THSD4: variants seen among roughly 807,000 people sequenced by gnomAD.
THSD4 encodes thrombospondin type 1 domain containing 4, also known as thrombospondin type-1 domain-containing protein 4.
Under a neutral mutation model 119.0 loss-of-function variants are expected in THSD4, and 69 were observed. That is an observed-to-expected ratio of 0.58 (90% CI 0.48 to 0.71). The LOEUF (loss-of-function observed/expected upper bound fraction) is 0.71. Ranked by LOEUF, THSD4 falls within the 30% of genes least tolerant of loss-of-function variation. THSD4 has a pLI of 0.00. For synonymous variants in THSD4, 524 were observed against 540.4 expected (o/e 0.97, Z 0.42); for missense variants, 1,393 against 1,391.1 (o/e 1.00, Z -0.02).
chr15:71,666,925 T>TG (rs2051428499), intron 8 of THSD4, among the ~76,000 whole-genome samples: 1 of 152,208 alleles, frequency 6.6e-6, no homozygotes, highest in South Asian at 2.1e-4. Context: ...GAGTGGCCTA[T>TG]GTAGAGCTGG....
intron 1 of THSD4, among the ~76,000 whole-genome samples, chr15:71,130,527 C>T (rs540888438): frequency 6.6e-4 from 100 of 152,046 alleles, no homozygotes; most frequent in African/African-American, 2.4e-3. Context: ...AGCCATGACT[C>T]CAACAATTAG....
chr15:71,762,805 A>G (rs2141204533), intron 15 of THSD4, among the ~76,000 whole-genome samples: 1 of 152,322 alleles, frequency 6.6e-6, no homozygotes, highest in Non-Finnish European at 1.5e-5. Context: ...ACAGTGGCTC[A>G]CGCCTATAAT....
intron 6 of THSD4, chr15:71,348,189 G>A (rs971342722): frequency 3.3e-5 from 5 of 151,984 alleles, no homozygotes; most frequent in East Asian, 1.9e-4. Context: ...TTGTCTTTTC[G>A]GCTCCTCAAT....
intron 7 of THSD4, among the ~76,000 whole-genome samples, chr15:71,509,349 G>C (rs115281449): frequency 1.3e-5 from 2 of 152,164 alleles, no homozygotes; most frequent in African/African-American, 4.8e-5. Flanking sequence ...AAGGGGAACC[G>C]ACTGCAAACA....
intron 12 of THSD4, 60 bp from the exon 13 acceptor site, chr15:71,746,778 C>T (rs916711939): frequency 3.2e-6 from 5 of 1,565,754 alleles, no homozygotes; most frequent in Admixed American, 3.3e-5. Flanking sequence ...TGCGGGCTCA[C>T]GCTGACTTCC....
intron 3 of THSD4, among the ~76,000 whole-genome samples, chr15:71,205,294 G>A (rs945927533): frequency 3.3e-5 from 5 of 152,196 alleles, no homozygotes; most frequent in African/African-American, 1.2e-4. Context: ...GAGAAGTATG[G>A]TGCAGTTTGT....
chr15:71,279,872 T>C (rs998442615), intron 6 of THSD4, among the ~76,000 whole-genome samples: 1 of 151,916 alleles, frequency 6.6e-6, no homozygotes, highest in African/African-American at 2.4e-5. Context: ...GGCCTTGGGG[T>C]AGCAGGAAGA....
intron 8 of THSD4, among the ~76,000 whole-genome samples, chr15:71,723,072 G>GTT (rs56241621): frequency 0.53 from 78,127 of 148,584 alleles, 23,901 homozygotes; most frequent in East Asian, 0.8. Context: ...ATTTAGGCTA[G>GTT]TTTTTTTTTT....
chr15:71,570,634 A>G (rs1237740668), intron 7 of THSD4, among the ~76,000 whole-genome samples: 2 of 152,082 alleles, frequency 1.3e-5, no homozygotes, highest in Non-Finnish European at 2.9e-5. Flanking sequence ...ACACTACTTC[A>G]TAATCTGGGA....
At chr15:71,171,751 A>T (rs571892085) in intron 3 of THSD4, among the ~76,000 whole-genome samples, 1 of 152,366 alleles carries the variant, frequency 6.6e-6, no homozygotes, top group Non-Finnish European at 1.5e-5. Flanking sequence ...CCAGAAAAGG[A>T]TAAATTAAGG....
intron 7 of THSD4, among the ~76,000 whole-genome samples, chr15:71,498,482 A>C (rs1016134549): frequency 6.6e-6 from 1 of 152,160 alleles, no homozygotes; most frequent in Non-Finnish European, 1.5e-5. Context: ...TTTAAATACA[A>C]ATCCCATGGC....
intron 6 of THSD4, among the ~76,000 whole-genome samples, chr15:71,346,304 T>C (rs2045659978): frequency 6.6e-6 from 1 of 152,192 alleles, no homozygotes; most frequent in East Asian, 1.9e-4. Context: ...ATAACAGAAG[T>C]GATGGGGTAT....
At chr15:71,291,933 G>T (rs2044797655) in intron 6 of THSD4, among the ~76,000 whole-genome samples, 1 of 152,070 alleles carries the variant, frequency 6.6e-6, no homozygotes, top group Non-Finnish European at 1.5e-5. Context: ...TATTGTGGTG[G>T]CCCCTGTCTA....
intron 7 of THSD4, among the ~76,000 whole-genome samples, chr15:71,658,240 G>A (rs139466809): frequency 6.6e-6 from 1 of 152,312 alleles, no homozygotes; most frequent in East Asian, 1.9e-4. Flanking sequence ...CAAGATTCTT[G>A]ACAAGTTCCG....
intron 7 of THSD4, among the ~76,000 whole-genome samples, chr15:71,535,137 G>T (rs544649135): frequency 2.6e-5 from 4 of 151,876 alleles, no homozygotes; most frequent in Admixed American, 2.6e-4. Flanking sequence ...CCCTATTTCC[G>T]CTCACCCTCC....
At chr15:71,315,414 G>A (rs2045172863) in intron 6 of THSD4, among the ~76,000 whole-genome samples, 1 of 152,170 alleles carries the variant, frequency 6.6e-6, no homozygotes, top group African/African-American at 2.4e-5. Flanking sequence ...GGGAAACCAG[G>A]GAGATATTTC....
At chr15:71,643,183 C>T (rs1042114800) in intron 7 of THSD4, among the ~76,000 whole-genome samples, 15 of 151,796 alleles carry the variant, frequency 9.9e-5, no homozygotes, top group African/African-American at 3.4e-4. Context: ...TCATCTGGTC[C>T]GGTGGTCCTA....
rs574555711 is a variant in THSD4 at position 71,635,555 on chromosome 15, C to G, written c.1153-24975C>G. On this transcript the variant is annotated intron_variant, in intron 7 of 17. Coordinates refer to ENST00000261862, the MANE Select transcript of THSD4 (RefSeq NM_024817.3). ...CTGAAAAGAGTTGAGTGTATTTTCTCTTCAGTCTCTCTTTTTCTAAAGGAA... is the reference window on the plus strand; with the variant it reads ...CTGAAAAGAGTTGAGTGTATTTTCTGTTCAGTCTCTCTTTTTCTAAAGGAA... Among the ~76,000 whole-genome samples the G allele has an allele frequency of 9.2e-5, 14 of 152,314 alleles. No homozygotes were observed. In the South Asian group the frequency reaches 2.9e-3, roughly 32 times the overall value.
chr15:71,428,287 C>T (rs1249530885), intron 7 of THSD4, among the ~76,000 whole-genome samples: 1 of 152,112 alleles, frequency 6.6e-6, no homozygotes, highest in Admixed American at 6.5e-5. Flanking sequence ...CTTTAGAAAA[C>T]TGTGCTGTAT....
Sources: allele counts gnomAD v4.1 joint callset (sites outside exome capture counted in the v4.1 genomes callset), GRCh38; gene constraint gnomAD v4.1.1; transcripts MANE v1.5; gene names NCBI Gene and HGNC (gene_info 2026-07-23, HGNC 2026-07-21).